The following PTPRT variants were observed in gnomAD, a reference collection of about 807,000 sequenced individuals.
PTPRT encodes the protein protein tyrosine phosphatase receptor type T.
A neutral mutation model predicts 176.8 loss-of-function variants in PTPRT; 56 were observed. That is an observed-to-expected ratio of 0.32 (90% CI 0.26 to 0.40). PTPRT has a LOEUF of 0.40. PTPRT is among the 10% of genes least tolerant of loss of function. The pLI, the probability that PTPRT is intolerant of heterozygous loss-of-function variation, is 1.00. For missense variants in PTPRT, 1,540 were observed against 1,908.2 expected, an observed-to-expected ratio of 0.81 and a Z score of 3.60; for synonymous variants, 783 against 739.0, an observed-to-expected ratio of 1.06 and a Z score of -0.96.
At chr20:43,022,215 G>A (rs1427919790) in intron 1 of PTPRT, among the ~76,000 whole-genome samples, 2 of 152,236 alleles carry the variant, frequency 1.3e-5, no homozygotes, top group Non-Finnish European at 2.9e-5. Flanking sequence ...TGTCTGACCA[G>A]ATAATCAATG....
intron 1 of PTPRT, among the ~76,000 whole-genome samples, chr20:43,068,214 C>T (rs1270276950): frequency 3.4e-5 from 5 of 145,856 alleles, no homozygotes; most frequent in South Asian, 2.3e-4. Flanking sequence ...ATTTTTAAAA[C>T]GAATTAGGGG....
At chr20:42,463,624 CT>C (rs1227908368) in intron 8 of PTPRT, among the ~76,000 whole-genome samples, 2 of 152,178 alleles carry the variant, frequency 1.3e-5, no homozygotes, top group East Asian at 3.9e-4. Context: ...CCTCTCCTCT[CT>C]TTATCTCCAT....
In PTPRT at chr20:42,616,562, A is replaced by G. The variant is rs1299759388; in HGVS notation, c.1153+61304T>C. Among the ~76,000 whole-genome samples the G allele has an allele frequency of 1.6e-5, 2 of 123,684 alleles. 1 individual carries two copies. The highest frequency in any genetic ancestry group is 7.8e-5 in the African/African-American group (2 of 25,512). The allele number at this position is 123,684 out of a possible 152,430, so 81.1% of individuals were successfully genotyped here. Reference sequence around the variant, plus strand: ...CATTTTCACAATATTGATTCTTCCTACCCATGAGCATGGAATGTTCTTCCA... The same window carrying G: ...CATTTTCACAATATTGATTCTTCCTGCCCATGAGCATGGAATGTTCTTCCA... On this transcript the variant is annotated intron_variant, in intron 7 of 30. Coordinates refer to ENST00000373187, the MANE Select transcript of PTPRT (RefSeq NM_007050.6).
intron 2 of PTPRT, among the ~76,000 whole-genome samples, chr20:42,807,668 G>A (rs1342422098): frequency 6.6e-6 from 1 of 152,036 alleles, no homozygotes; most frequent in African/African-American, 2.4e-5. Context: ...AACAGGTGTG[G>A]GCGAAAATTC....
intron 12 of PTPRT, among the ~76,000 whole-genome samples, chr20:42,297,996 T>A (rs1365868997): frequency 6.6e-6 from 1 of 152,098 alleles, no homozygotes; most frequent in Non-Finnish European, 1.5e-5. Context: ...AAAGTTTAAA[T>A]GTAATAAAAG....
chr20:42,226,409 T>C (rs1229300233), intron 15 of PTPRT, among the ~76,000 whole-genome samples: 2 of 152,318 alleles, frequency 1.3e-5, no homozygotes, highest in East Asian at 3.9e-4. Flanking sequence ...ATCTATCTAA[T>C]AATGACTTCC....
chr20:42,997,589 T>A (rs1366630583), intron 1 of PTPRT, among the ~76,000 whole-genome samples: 1 of 152,140 alleles, frequency 6.6e-6, no homozygotes, highest in Non-Finnish European at 1.5e-5. Context: ...CGAAAATGAA[T>A]ATGCATGAGC....
chr20:42,206,440 C>G (rs547072440), intron 15 of PTPRT, among the ~76,000 whole-genome samples: 1 of 152,164 alleles, frequency 6.6e-6, no homozygotes, highest in Non-Finnish European at 1.5e-5. Flanking sequence ...ATGCGCGAGC[C>G]GAAGCAGGGC....
intron 17 of PTPRT, among the ~76,000 whole-genome samples, chr20:42,149,688 T>C (rs1989037412): frequency 6.6e-6 from 1 of 152,158 alleles, no homozygotes; most frequent in Non-Finnish European, 1.5e-5. Flanking sequence ...CCTCCCAAAG[T>C]GCTGGGATTA....
At chr20:42,758,236 G>A (rs531098048) in intron 5 of PTPRT, among the ~76,000 whole-genome samples, 22 of 152,274 alleles carry the variant, frequency 1.4e-4, no homozygotes, top group African/African-American at 2.6e-4. Context: ...GTCTCGCAAC[G>A]CGATCTTCAT....
chr20:42,677,603 G>A (rs2425513), intron 7 of PTPRT, among the ~76,000 whole-genome samples: 59,473 of 151,834 alleles, frequency 0.39, 11,923 homozygotes, highest in African/African-American at 0.45. Context: ...GGAACCTCCC[G>A]TGACCCAGCT....
intron 7 of PTPRT, among the ~76,000 whole-genome samples, chr20:42,633,399 T>A (rs1389228930): frequency 6.6e-6 from 1 of 152,098 alleles, no homozygotes. Flanking sequence ...TCATAGTTTT[T>A]AAGAAATGTA....
intron 2 of PTPRT, among the ~76,000 whole-genome samples, chr20:42,821,037 G>A (rs1324029108): frequency 6.6e-6 from 1 of 152,168 alleles, no homozygotes; most frequent in Admixed American, 6.5e-5. Context: ...AATTGAAAAG[G>A]AGGGACTCCT....
chr20:42,416,923 A>G (rs1406904739), intron 9 of PTPRT, among the ~76,000 whole-genome samples: 1 of 152,206 alleles, frequency 6.6e-6, no homozygotes, highest in African/African-American at 2.4e-5. Flanking sequence ...ACAGGTGGAT[A>G]TGTTGGGCTG....
intron 1 of PTPRT, 151 bp from the exon 2 acceptor site, chr20:42,886,083 A>T: frequency 2.6e-6 from 1 of 386,980 alleles, no homozygotes. Context: ...AAGATGAGCA[A>T]ATTGGATTTT....
At chr20:42,063,251 C>T in the PTPRT span, among the ~76,000 whole-genome samples, 1 of 152,266 alleles carries the variant, frequency 6.6e-6, no homozygotes, top group African/African-American at 2.4e-5. Context: ...TGTCTTAGCA[C>T]GTTTCCCCTC....
At position 42,710,706 on chromosome 20, in the gene PTPRT, G is replaced by A. The variant is rs80056504; in HGVS notation, c.860-32547C>T. Among the ~76,000 whole-genome samples the A allele has an allele frequency of 8.3e-3, 1,268 of 152,328 alleles. 22 individuals are homozygous for A. Among genetic ancestry groups the A allele is most frequent in the African/African-American group, 0.029 (1,219 of 41,580 alleles). ...AGCCCCCACAAAGATTCCCCACCAGGGTACTGCACAGTGGAATTGTGGGAA... is the reference window on the plus strand; with the variant it reads ...AGCCCCCACAAAGATTCCCCACCAGAGTACTGCACAGTGGAATTGTGGGAA... On this transcript the variant is annotated intron_variant, in intron 6 of 30. Transcript: ENST00000373187.
intron 1 of PTPRT, among the ~76,000 whole-genome samples, chr20:42,937,979 A>G (rs1316953138): frequency 7.9e-5 from 12 of 152,234 alleles, no homozygotes; most frequent in Admixed American, 7.9e-4. Context: ...TCTTCAAAAC[A>G]TAATAAAATC....
At chr20:42,292,779 C>T (rs1252266709) in intron 12 of PTPRT, among the ~76,000 whole-genome samples, 2 of 152,110 alleles carry the variant, frequency 1.3e-5, no homozygotes, top group African/African-American at 4.8e-5. Flanking sequence ...TGACGCAGGA[C>T]CTTGAACAAT....
Sources: gnomAD v4.1 joint callset for allele counts (sites outside exome capture counted in the v4.1 genomes callset) on GRCh38, gnomAD v4.1.1 for gene constraint, MANE v1.5 for transcripts, NCBI Gene and HGNC (gene_info 2026-07-23, HGNC 2026-07-21) for gene names.